Variants in PLAT observed in about 807,000 individuals in gnomAD.
PLAT encodes the protein plasminogen activator, tissue type.
Under a neutral mutation model 74.9 loss-of-function variants are expected in PLAT, and 48 were observed. The ratio of observed to expected loss-of-function variants is 0.64; its 90% CI spans 0.51 to 0.82. The LOEUF is 0.82. Ranked by LOEUF, PLAT falls within the 40% of genes least tolerant of loss-of-function variation. PLAT has a pLI of 0.00. For synonymous variants in PLAT, 307 were observed against 294.4 expected (o/e 1.04, Z -0.44); for missense variants, 673 against 736.2 (o/e 0.91, Z 0.99).
At chr8:42,205,586 C>A (rs1341326992) in intron 1 of PLAT, among the ~76,000 whole-genome samples, 1 of 152,334 alleles carries the variant, frequency 6.6e-6, no homozygotes, top group South Asian at 2.1e-4. Context: ...CTCTGCCCCC[C>A]TCTCATATGT....
rs564031173 is a variant in PLAT at position 42,199,424 on chromosome 8, T to C, written c.-26-6213A>G. Among the ~76,000 whole-genome samples, 194 of 152,280 alleles carry C rather than the reference T, an allele frequency of 1.3e-3. 2 individuals are homozygous for C. The highest frequency in any genetic ancestry group is 1.5e-3 in the Non-Finnish European group (105 of 68,018). On this transcript the variant is annotated intron_variant, in intron 1 of 13. Coordinates refer to ENST00000220809, the MANE Select transcript of PLAT (RefSeq NM_000930.5). ...GAGTTCAAGACCAGCCTAGGCAACA[T>C]AGCAAGACCCCATGTCTTCAAAAGA...
At chr8:42,200,097 A>T (rs956671607) in intron 1 of PLAT, among the ~76,000 whole-genome samples, 1 of 152,242 alleles carries the variant, frequency 6.6e-6, no homozygotes, top group Non-Finnish European at 1.5e-5. Flanking sequence ...TGAGAAATGT[A>T]CACATGGATG....
At position 42,182,865 on chromosome 8, in the gene PLAT, A is replaced by G; in HGVS notation, c.657T>C (p.Asn219=). ...TGTGCGTGCCACGGTAGGCTGACCCATTCCCAAAGTAGCAGTCACTGTTTC... is the reference window on the plus strand; with the variant it reads ...TGTGCGTGCCACGGTAGGCTGACCCGTTCCCAAAGTAGCAGTCACTGTTTC... ...SEGNSDCYFG[N]GSAYRGTHSL... is the part of the protein sequence containing the mutation. Residue 219 remains asparagine (N), a synonymous_variant, in exon 8 of 14, where the codon AAT becomes AAC. Coordinates refer to ENST00000220809, the MANE Select transcript of PLAT (RefSeq NM_000930.5). 1 of 1,609,670 alleles carries G rather than the reference A, an allele frequency of 6.2e-7. No individual in the cohort carries two copies. Among genetic ancestry groups the G allele is most frequent in the Non-Finnish European group, 8.5e-7 (1 of 1,178,754 alleles).
At chr8:42,190,731 G>A (rs560364218) in intron 3 of PLAT, among the ~76,000 whole-genome samples, 26 of 152,328 alleles carry the variant, frequency 1.7e-4, no homozygotes, top group African/African-American at 5.8e-4. Flanking sequence ...GAAATCGAGG[G>A]CCTAAGTTGG....
intron 1 of PLAT, chr8:42,195,678 A>G (rs377704234): frequency 1.3e-5 from 2 of 152,156 alleles, no homozygotes; most frequent in African/African-American, 4.8e-5. Context: ...GCTTTCCTCA[A>G]ATTTCCTGTT....
chr8:42,175,863 A>C lies in PLAT; in HGVS notation c.*130T>G. 1.2e-6 allele frequency: 1 copy of C among 808,034 alleles called. No individual in the cohort carries two copies. The highest frequency in any genetic ancestry group is 2.6e-5 in the East Asian group (1 of 38,672). The allele number at this position is 808,034 out of a possible 1,614,324, so 50.1% of individuals were successfully genotyped here. A position where few individuals can be genotyped will look rare whatever the true frequency, so the allele number is the denominator to read the frequency against. ...GAAAATGCACTCTTCCCTCTCCTGT[A>C]GGGTCTCGTCCCGCTTCTGCGGTGT... On this transcript the variant is annotated 3_prime_UTR_variant, in exon 14 of 14. Coordinates refer to ENST00000220809, the MANE Select transcript of PLAT (RefSeq NM_000930.5).
At chr8:42,193,655 T>C (rs967947050) in intron 1 of PLAT, 28 of 156,944 alleles carry the variant, frequency 1.8e-4, no homozygotes, top group Non-Finnish European at 2.8e-4. Context: ...TTTCTTCTTT[T>C]GCGACTGGTT....
At chr8:42,202,914 A>G (rs1461185586) in intron 1 of PLAT, among the ~76,000 whole-genome samples, 1 of 152,162 alleles carries the variant, frequency 6.6e-6, no homozygotes, top group Non-Finnish European at 1.5e-5. Context: ...CAGACAGAGC[A>G]CATCCCCACG....
rs756223584 is a variant in PLAT, at chr8:42,180,360, C to G, written c.1104G>C (p.Leu368=). 2.2e-5 allele frequency: 36 copies of G among 1,614,276 alleles called. No homozygotes were observed. Among genetic ancestry groups the G allele is most frequent in the Non-Finnish European group, 3.0e-5 (35 of 1,180,042 alleles). Residue 368 remains leucine (L), a synonymous_variant, in exon 11 of 14, where the codon CTG becomes CTC. Transcript: ENST00000220809. Reference sequence around the variant, plus strand: ...GGTATGTTCTGCCCAAGATCACCGTCAGGTGGTGGGGCGGAAACCTGGTGG... The same window carrying G: ...GGTATGTTCTGCCCAAGATCACCGTGAGGTGGTGGGGCGGAAACCTGGTGG... ...CFQERFPPHH[L]TVILGRTYRV...
At chr8:42,178,846 G>C (rs1052744690) in intron 13 of PLAT, 51 bp downstream of exon 13, 1 of 1,556,516 alleles carries the variant, frequency 6.4e-7, no homozygotes. Flanking sequence ...GTTGTCCCAG[G>C]GGCATTCTCC....
Position 42,180,286 on chromosome 8 carries a change from ATG to A in PLAT, c.1176_1177del (p.Ile393CysfsTer3). The A allele has an allele frequency of 6.2e-7, 1 of 1,614,190 alleles. No homozygotes were observed. The highest frequency in any genetic ancestry group is 8.5e-7 in the Non-Finnish European group (1 of 1,180,006). Reference sequence around the variant, plus strand: ...GTCATCATCGAATTCCTTATGGACAATGTATTTTTCGACTTCAAATTTCTGCT... The same window carrying A: ...GTCATCATCGAATTCCTTATGGACAATATTTTTCGACTTCAAATTTCTGCT... On this transcript the variant is annotated frameshift_variant, in exon 11 of 14. Coordinates refer to ENST00000220809, the MANE Select transcript of PLAT (RefSeq NM_000930.5). LOFTEE classifies it high-confidence loss of function.
rs1325666466 is a variant in PLAT at position 42,182,873 on chromosome 8, A to G, written c.649T>C (p.Phe217Leu). 6.2e-7 allele frequency: 1 copy of G among 1,605,684 alleles called. No homozygotes were observed. Among genetic ancestry groups the G allele is most frequent in the Non-Finnish European group, 8.5e-7 (1 of 1,177,656 alleles). ...ACSEGNSDCY[F>L]GNGSAYRGTH... ...CCACGGTAGGCTGACCCATTCCCAA[A>G]GTAGCAGTCACTGTTTCCTAGAAGA... Residue 217 changes from phenylalanine to leucine, a missense_variant, in exon 8 of 14, where the codon TTT becomes CTT. By Grantham distance (22) the Phe-to-Leu change is conservative. Transcript: ENST00000220809.
At chr8:42,181,303 A>C (rs1383712748) in intron 9 of PLAT, among the ~76,000 whole-genome samples, 2 of 152,152 alleles carry the variant, frequency 1.3e-5, no homozygotes, top group African/African-American at 4.8e-5. Flanking sequence ...TTCCAAACTA[A>C]AGTTTCATTT....
At chr8:42,178,540 G>C (rs1805070302) in intron 13 of PLAT, among the ~76,000 whole-genome samples, 1 of 152,166 alleles carries the variant, frequency 6.6e-6, no homozygotes, top group Non-Finnish European at 1.5e-5. Flanking sequence ...AAAGTGCTGG[G>C]ATTACAGGCG....
chr8:42,187,635 G>T (rs1805535558), intron 5 of PLAT, 63 bp from the exon 6 acceptor site: 2 of 1,453,220 alleles, frequency 1.4e-6, no homozygotes, highest in South Asian at 2.6e-5. Flanking sequence ...CCCTCAGGAG[G>T]CTCCCCTCTC....
intron 6 of PLAT, chr8:42,187,156 C>T (rs374868487): frequency 3.2e-5 from 13 of 402,310 alleles, no homozygotes; most frequent in East Asian, 1.1e-4. Flanking sequence ...ATCCATCTAC[C>T]GTCTATTTAT....
chr8:42,196,039 C>G (rs1805891163), intron 1 of PLAT, among the ~76,000 whole-genome samples: 1 of 152,156 alleles, frequency 6.6e-6, no homozygotes, highest in Non-Finnish European at 1.5e-5. Context: ...TTCAAGAACT[C>G]AAAGTCCTTC....
rs771546167 is a variant in PLAT, at chr8:42,193,138, T to A, written c.48A>T (p.Gly16=). The change falls in exon 2 of 14, where the codon GGA becomes GGT. Residue 16 remains glycine, a synonymous_variant. Coordinates refer to ENST00000220809, the MANE Select transcript of PLAT (RefSeq NM_000930.5). ...CCTGGCTGGGCGAAACGAAGACTGC[T>A]CCACACAGCAGCAGCACACAGCAGA... The part of the protein sequence containing the change: ...RGLCCVLLLC[G]AVFVSPSQEI... 6.2e-7 allele frequency: 1 copy of A among 1,613,732 alleles called. No homozygotes were observed. Among genetic ancestry groups the A allele is most frequent in the Admixed American group, 1.7e-5 (1 of 60,020 alleles).
chr8:42,187,672 C>T, intron 5 of PLAT, 100 bp from the exon 6 acceptor site: 1 of 1,200,024 alleles, frequency 8.3e-7, no homozygotes, highest in South Asian at 1.5e-5. Context: ...AGGCCTGATG[C>T]AGGCTGGCTC....
Sources: gnomAD v4.1 joint callset for allele counts (sites outside exome capture counted in the v4.1 genomes callset) on GRCh38, gnomAD v4.1.1 for gene constraint, MANE v1.5 for transcripts, NCBI Gene and HGNC (gene_info 2026-07-23, HGNC 2026-07-21) for gene names.